SLC8A1: variants seen among roughly 807,000 people sequenced by gnomAD.
The protein encoded by SLC8A1 is solute carrier family 8 member A1, also known as sodium/calcium exchanger 1.
A neutral mutation model predicts 68.3 loss-of-function variants in SLC8A1; 18 were observed. That is an observed-to-expected ratio of 0.26 (90% confidence interval 0.18 to 0.39). The LOEUF is 0.39. SLC8A1 is among the 10% of genes least tolerant of loss of function. The probability of loss-of-function intolerance (pLI) is 1.00; values close to 1 mark genes in which losing one functional copy is unlikely to be tolerated. For missense variants in SLC8A1, 985 were observed against 1,156.7 expected, an observed-to-expected ratio of 0.85 and a Z score of 2.15; for synonymous variants, 475 against 415.5, an observed-to-expected ratio of 1.14 and a Z score of -1.74.
chr2:40,392,673 C>A (rs1015995543), intron 2 of SLC8A1, among the ~76,000 whole-genome samples: 1 of 152,024 alleles, frequency 6.6e-6, no homozygotes, highest in African/African-American at 2.4e-5. Flanking sequence ...CTTGATATAA[C>A]CTTTAAATTG....
chr2:40,160,599 C>G (rs779031085), intron 6 of SLC8A1, among the ~76,000 whole-genome samples, 166 bp downstream of exon 9: 2 of 152,150 alleles, frequency 1.3e-5, no homozygotes, highest in Admixed American at 6.6e-5. Context: ...TCTAGATAGT[C>G]AATTTAGTCT....
intron 2 of SLC8A1, among the ~76,000 whole-genome samples, chr2:40,410,690 T>C (rs1691848547): frequency 2.0e-5 from 3 of 152,110 alleles, no homozygotes; most frequent in Admixed American, 2.0e-4. Context: ...AGTTATCATT[T>C]TTTGTGGTGA....
chr2:40,482,135 C>T (rs1190884536), intron 1 of SLC8A1, among the ~76,000 whole-genome samples: 2 of 152,048 alleles, frequency 1.3e-5, no homozygotes, highest in Non-Finnish European at 2.9e-5. Context: ...AACTTTTAAG[C>T]GTGCAATAAG....
At chr2:40,356,502 G>T (rs776854717) in intron 2 of SLC8A1, among the ~76,000 whole-genome samples, 2 of 151,330 alleles carry the variant, frequency 1.3e-5, no homozygotes, top group East Asian at 1.9e-4. Flanking sequence ...TTTCAAATTT[G>T]CCTTTCATTA....
intron 2 of SLC8A1, among the ~76,000 whole-genome samples, chr2:40,326,779 G>A (rs1158486542): frequency 2.0e-5 from 3 of 152,116 alleles, no homozygotes; most frequent in Non-Finnish European, 4.4e-5. Context: ...TCACTTCCAG[G>A]AGGGCCTGTG....
At chr2:40,510,246 A>G (rs1706633783) in intron 1 of SLC8A1, among the ~76,000 whole-genome samples, 1 of 152,194 alleles carries the variant, frequency 6.6e-6, no homozygotes, top group African/African-American at 2.4e-5. Context: ...AATGCTTAAG[A>G]AGTCATGAAA....
intron 2 of SLC8A1, among the ~76,000 whole-genome samples, chr2:40,228,161 A>T (rs771009423): frequency 6.6e-6 from 1 of 152,214 alleles, no homozygotes; most frequent in Non-Finnish European, 1.5e-5. Context: ...ATACAGAATG[A>T]TGAAAGTCAG....
chr2:40,183,619 T>G (rs563618484), intron 2 of SLC8A1, among the ~76,000 whole-genome samples: 1 of 152,330 alleles, frequency 6.6e-6, no homozygotes, highest in Non-Finnish European at 1.5e-5. Context: ...ATCTGCATTT[T>G]AACAAGATCC....
chr2:40,479,564 TAGATGAGGAAACAC>T (rs765387369), intron 1 of SLC8A1, among the ~76,000 whole-genome samples: 32 of 152,314 alleles, frequency 2.1e-4, no homozygotes, highest in Non-Finnish European at 4.1e-4. Context: ...ATATATTCTA[TAGATGAGGAAACAC>T]AGAAGTTTCT....
At chr2:40,153,206 G>A (rs2043789834) in intron 6 of SLC8A1, among the ~76,000 whole-genome samples, 1 of 152,114 alleles carries the variant, frequency 6.6e-6, no homozygotes, top group African/African-American at 2.4e-5. Flanking sequence ...TACACGGAAA[G>A]CAAGTTGGCA....
chr2:40,337,647 T>C (rs962301980), intron 2 of SLC8A1, among the ~76,000 whole-genome samples: 1 of 152,120 alleles, frequency 6.6e-6, no homozygotes, highest in Non-Finnish European at 1.5e-5. Context: ...CTCCTAAACC[T>C]TTCCCCCTAG....
chr2:40,401,471 T>C (rs927193159), intron 2 of SLC8A1, among the ~76,000 whole-genome samples: 8 of 151,340 alleles, frequency 5.3e-5, no homozygotes, highest in Non-Finnish European at 1.0e-4. Flanking sequence ...TTACAAACAT[T>C]TCTTCTCCCA....
chr2:40,366,008 C>T (rs910392102), intron 2 of SLC8A1, among the ~76,000 whole-genome samples: 5 of 140,060 alleles, frequency 3.6e-5, no homozygotes, highest in African/African-American at 1.3e-4. Flanking sequence ...AAAAAAAAAT[C>T]ATTTTTAAGA....
chr2:40,352,388 C>T lies in SLC8A1; in HGVS notation c.1808+76085G>A, dbSNP rs548261262. On this transcript the variant is annotated intron_variant, in intron 2 of 7. Transcript: ENST00000406785. ...TTTCAACCAATGTCTCAAATGGTTA[C>T]CTTATGCTTCCCGTGTTATTCATTT... Among the ~76,000 whole-genome samples the T allele has an allele frequency of 9.2e-5, 14 of 152,224 alleles. No homozygotes were observed. The South Asian group carries it at 2.7e-3, about 29-fold the overall frequency.
intron 2 of SLC8A1, among the ~76,000 whole-genome samples, chr2:40,370,702 T>C (rs552789423): frequency 6.6e-6 from 1 of 152,234 alleles, no homozygotes; most frequent in South Asian, 2.1e-4. Context: ...GCCTCTACTG[T>C]ATTCTTGAGT....
intron 2 of SLC8A1, among the ~76,000 whole-genome samples, chr2:40,265,391 T>A (rs1014625254): frequency 6.6e-6 from 1 of 152,164 alleles, no homozygotes; most frequent in Non-Finnish European, 1.5e-5. Flanking sequence ...TAAAACACCC[T>A]GTGAATGTAC....
At chr2:40,367,520 C>T (rs981057678) in intron 2 of SLC8A1, among the ~76,000 whole-genome samples, 17 of 151,940 alleles carry the variant, frequency 1.1e-4, no homozygotes, top group Non-Finnish European at 2.5e-4. Flanking sequence ...AATAGAAACA[C>T]AATGTACCAA....
intron 1 of SLC8A1, among the ~76,000 whole-genome samples, chr2:40,491,579 G>T (rs1191517321): frequency 6.6e-6 from 1 of 152,102 alleles, no homozygotes; most frequent in Non-Finnish European, 1.5e-5. Flanking sequence ...CAAAGGGAAT[G>T]CTTCCAGTTT....
chr2:40,108,215 T>C (rs1442094273), exon 8 of SLC8A1: 1 of 152,220 alleles, frequency 6.6e-6, no homozygotes, highest in Non-Finnish European at 1.5e-5. Context: ...TTGAAGGTAA[T>C]TTTAATGAGA....
Sources: allele counts gnomAD v4.1 joint callset (sites outside exome capture counted in the v4.1 genomes callset), GRCh38; gene constraint gnomAD v4.1.1; transcripts MANE v1.5; gene names NCBI Gene and HGNC (gene_info 2026-07-23, HGNC 2026-07-21).